The following RCC1L variants were observed in gnomAD, a reference collection of about 807,000 sequenced individuals.
RCC1L encodes the protein RCC1-like G exchanging factor-like protein.
RCC1L carries 46 observed loss-of-function variants against 58.6 expected under a neutral mutation model. The observed-to-expected ratio is 0.79, with a 90% CI of 0.62 to 1.00. The LOEUF (loss-of-function observed/expected upper bound fraction) is 1.00. Ranked by LOEUF, RCC1L falls within the 50% of genes least tolerant of loss-of-function variation. RCC1L has a pLI of 0.00. For missense variants in RCC1L, 636 were observed against 623.6 expected, an observed-to-expected ratio of 1.02 and a Z score of -0.21; for synonymous variants, 281 against 262.9, an observed-to-expected ratio of 1.07 and a Z score of -0.67.
chr7:75,070,920 C>A, intron 1 of RCC1L, 151 bp from the exon 2 acceptor site: 1 of 1,017,922 alleles, frequency 9.8e-7, no homozygotes, highest in Non-Finnish European at 1.4e-6. Flanking sequence ...GTTGCCCAGG[C>A]TGGAGTGCAG....
intron 10 of RCC1L, among the ~76,000 whole-genome samples, chr7:75,032,291 C>T (rs1805324513): frequency 1.3e-5 from 2 of 152,144 alleles, no homozygotes; most frequent in Non-Finnish European, 2.9e-5. Context: ...GGGCTGGTTG[C>T]CTGGCCGAAG....
intron 9 of RCC1L, among the ~76,000 whole-genome samples, chr7:75,054,965 T>A (rs1806028666): frequency 6.6e-6 from 1 of 152,190 alleles, no homozygotes; most frequent in Non-Finnish European, 1.5e-5. Context: ...TGACGGCCTC[T>A]GGAGCCTGGA....
chr7:75,055,422 T>C (rs1806044399), intron 9 of RCC1L, among the ~76,000 whole-genome samples: 2 of 152,126 alleles, frequency 1.3e-5, no homozygotes, highest in Admixed American at 1.3e-4. Flanking sequence ...TTTGGAGAAA[T>C]CGGTAGATTT....
chr7:75,058,705 G>C lies in RCC1L; in HGVS notation c.852C>G (p.Asn284Lys). Residue 284 changes from asparagine (N) to lysine (K), a missense_variant, in exon 7 of 11, where the codon AAC (asparagine) becomes AAG (lysine). Asn to Lys is a moderately conservative substitution (Grantham distance 94, BLOSUM62 0). Coordinates refer to ENST00000610322, the MANE Select transcript of RCC1L (RefSeq NM_030798.5). ...TKLGGDLAGV[N>K]VIQVATYGDC... is the part of the protein sequence containing the mutation. ...CACCGTAGGTGGCAACTTGGATAAC[G>C]TTCACTCCCGCCAGGTCTCCACCCA... 1 of 1,613,950 alleles carries C rather than the reference G, an allele frequency of 6.2e-7. No individual in the cohort carries two copies. The highest frequency in any genetic ancestry group is 8.5e-7 in the Non-Finnish European group (1 of 1,179,858).
At position 75,055,730 on chromosome 7, in the gene RCC1L, T is replaced by C. The variant is rs1315870643; in HGVS notation, c.1231+171A>G. The C allele has an allele frequency of 3.2e-5, 24 of 753,852 alleles. No homozygotes were observed. In the African/African-American group the frequency reaches 3.5e-4, roughly 11 times the overall value. The allele number at this position is 753,852 out of a possible 1,614,324, so 46.7% of individuals were successfully genotyped here. A position where few individuals can be genotyped will look rare whatever the true frequency, so the allele number is the denominator to read the frequency against. On this transcript the variant is annotated intron_variant, in intron 9 of 10. Transcript: ENST00000610322. ...TCCAGGGGGGGAAAACAAGACATTA[T>C]ACAACCTCGAGGCAAACAACTTCTG...
At chr7:75,056,516 T>C (rs1806086191) in intron 8 of RCC1L, 1 of 1,506,054 alleles carries the variant, frequency 6.6e-7, no homozygotes, top group South Asian at 1.3e-5. Context: ...AATGATGTTT[T>C]GGTTATAGAA....
rs1344568860 is a variant in RCC1L, at chr7:75,072,155, CATATACAT to C, written c.324+1251_324+1258del. Reference sequence around the variant, plus strand: ...TTTTAAATTTATACATATACATATACATATACATATATATATATATATATATATATATA... The same window carrying C: ...TTTTAAATTTATACATATACATATACATATATATATATATATATATATATA... On this transcript the variant is annotated intron_variant, in intron 1 of 10. Coordinates refer to ENST00000610322, the MANE Select transcript of RCC1L (RefSeq NM_030798.5). 2.2e-3 allele frequency among the ~76,000 whole-genome samples: 108 copies of C among 48,126 alleles called. 7 individuals are homozygous for C. Among genetic ancestry groups the C allele is most frequent in the East Asian group, 0.019 (16 of 844 alleles). 31.6% of individuals were successfully genotyped at this position (48,126 alleles called of 152,430 possible).
At chr7:75,053,045 G>A (rs964032996) in intron 9 of RCC1L, among the ~76,000 whole-genome samples, 2 of 146,666 alleles carry the variant, frequency 1.4e-5, no homozygotes, top group African/African-American at 5.0e-5. Context: ...GCACTCAAAT[G>A]AAGATGGGGC....
intron 10 of RCC1L, among the ~76,000 whole-genome samples, chr7:75,036,696 C>T (rs1805437138): frequency 6.6e-6 from 1 of 152,012 alleles, no homozygotes. Flanking sequence ...GAGTTTGAGA[C>T]CAGCCTGGCC....
chr7:75,063,546 C>G (rs1806348872), intron 4 of RCC1L, among the ~76,000 whole-genome samples: 1 of 152,154 alleles, frequency 6.6e-6, no homozygotes, highest in Non-Finnish European at 1.5e-5. Context: ...GATTTTAACA[C>G]ATGGCCAAAG....
chr7:75,055,612 G>A (rs1806049971), intron 9 of RCC1L: 2 of 443,244 alleles, frequency 4.5e-6, no homozygotes, highest in Non-Finnish European at 8.4e-6. Context: ...CGACGTACTA[G>A]CAATGCCCCT....
exon 11 of RCC1L, chr7:75,027,465 G>A (rs1805168669): frequency 6.3e-6 from 1 of 157,872 alleles, no homozygotes; most frequent in Non-Finnish European, 1.4e-5. Flanking sequence ...CACGCTGCCT[G>A]TGTCCTGCCT....
Position 75,063,430 on chromosome 7 carries a change from G to A in RCC1L, c.651-87C>T, listed in dbSNP as rs1336947494. The A allele has an allele frequency of 3.0e-6, 4 of 1,352,772 alleles. No individual in the cohort carries two copies. In the South Asian group the frequency reaches 3.5e-5, roughly 12 times the overall value. The allele number at this position is 1,352,772 out of a possible 1,614,324, so 83.8% of individuals were successfully genotyped here. On this transcript the variant is annotated intron_variant, in intron 4 of 10. Transcript: ENST00000610322. ...CCTTTCCCTGTCACCCCAACTGATG[G>A]CCCGTCCCCTCCGCTCACACAGTAA...
intron 3 of RCC1L, 26 bp from the exon 4 acceptor site, chr7:75,064,674 C>A (rs1034283614): frequency 5.8e-5 from 93 of 1,612,610 alleles, no homozygotes; most frequent in Non-Finnish European, 7.8e-5. Context: ...CCAATCAAAT[C>A]AGTTCTGCAG....
At chr7:75,061,672 GGT>G (rs1272917446) in intron 5 of RCC1L, among the ~76,000 whole-genome samples, 3 of 151,924 alleles carry the variant, frequency 2.0e-5, no homozygotes, top group African/African-American at 7.3e-5. Context: ...CTCTCTCCAG[GGT>G]GTGTCTCCTG....
downstream of RCC1L, among the ~76,000 whole-genome samples, chr7:75,039,588 T>C (rs1211088215): frequency 3.3e-5 from 5 of 152,136 alleles, no homozygotes; most frequent in African/African-American, 1.2e-4. Flanking sequence ...GATGGAAAAC[T>C]GGACCTACGA....
intron 10 of RCC1L, among the ~76,000 whole-genome samples, chr7:75,048,946 A>AG: frequency 6.6e-6 from 1 of 152,302 alleles, no homozygotes; most frequent in Non-Finnish European, 1.5e-5. Flanking sequence ...AACCTCTCTG[A>AG]GGGATGAGTC....
At chr7:75,073,360 G>A (rs1806836707) in intron 1 of RCC1L, 54 bp downstream of exon 1, 2 of 826,178 alleles carry the variant, frequency 2.4e-6, no homozygotes, top group East Asian at 3.3e-5. Flanking sequence ...GGTCGAGGGA[G>A]GCCGGGAGCG....
Position 75,070,497 on chromosome 7 carries a change from G to A in RCC1L, c.454+143C>T, listed in dbSNP as rs55918107. ...GAGGCAGGAGAATCACTTGAACCCG[G>A]GAGGTGGAGGTTGCAGTGAGCCAGG... On this transcript the variant is annotated intron_variant, in intron 2 of 10. Transcript: ENST00000610322. 10,515 of 1,084,748 alleles carry A rather than the reference G, an allele frequency of 9.7e-3. 413 individuals carry two copies. The African/African-American group carries it at 0.1, about 11-fold the overall frequency. 67.2% of individuals were successfully genotyped at this position (1,084,748 alleles called of 1,614,324 possible). A position where few individuals can be genotyped will look rare whatever the true frequency, so the allele number is the denominator to read the frequency against.
Sources: allele counts gnomAD v4.1 joint callset (sites outside exome capture counted in the v4.1 genomes callset), GRCh38; gene constraint gnomAD v4.1.1; transcripts MANE v1.5; gene names NCBI Gene and HGNC (gene_info 2026-07-23, HGNC 2026-07-21).